The following LPA variants were observed in gnomAD, a reference collection of about 807,000 sequenced individuals.
LPA encodes the protein lipoprotein(a).
LPA carries 199 observed loss-of-function variants against 197.9 expected under a neutral mutation model. That is an observed-to-expected ratio of 1.01 (90% confidence interval 0.90 to 1.13). The LOEUF is 1.13. Among genes scored for constraint, LPA ranks in the 50% most tolerant of loss-of-function variants. LPA has a pLI of 0.00. For synonymous variants in LPA, 715 were observed against 639.5 expected, an observed-to-expected ratio of 1.12 and a Z score of -1.78; for missense variants, 1,853 against 1,785.8, an observed-to-expected ratio of 1.04 and a Z score of -0.68.
At chr6:160,551,574 G>A (rs1474391107) in intron 30 of LPA, among the ~76,000 whole-genome samples, 1 of 152,184 alleles carries the variant, frequency 6.6e-6, no homozygotes, top group African/African-American at 2.4e-5. Flanking sequence ...TATAGTGAGT[G>A]TTTACAGACT....
intron 18 of LPA, 151 bp downstream of exon 18, chr6:160,604,895 C>G (rs1779313865): frequency 1.5e-6 from 2 of 1,297,536 alleles, no homozygotes; most frequent in Non-Finnish European, 2.2e-6. Flanking sequence ...CTCTTAGACT[C>G]TTTGCTCAAA....
chr6:160,537,819 A>G, intron 37 of LPA, 36 bp downstream of exon 37: 1 of 1,590,496 alleles, frequency 6.3e-7, no homozygotes, highest in Non-Finnish European at 8.6e-7. Flanking sequence ...GAAGGTCAAA[A>G]ACAATTTGTT....
chr6:160,559,342 TATTTAAGATACTCA>T (rs1205355335), intron 28 of LPA, among the ~76,000 whole-genome samples: 1 of 152,258 alleles, frequency 6.6e-6, no homozygotes, highest in African/African-American at 2.4e-5. Flanking sequence ...CCATCCATGC[TATTTAAGATACTCA>T]GTGCTGAATA....
intron 28 of LPA, among the ~76,000 whole-genome samples, chr6:160,569,529 C>A (rs1376685364): frequency 6.6e-6 from 1 of 152,112 alleles, no homozygotes; most frequent in East Asian, 1.9e-4. Flanking sequence ...CATATAAACC[C>A]TAGAAGAAAA....
chr6:160,592,274 A>G (rs1435971207), intron 22 of LPA, among the ~76,000 whole-genome samples: 4 of 152,206 alleles, frequency 2.6e-5, no homozygotes, highest in Non-Finnish European at 4.4e-5. Flanking sequence ...TCTAGCTTTA[A>G]TTGAATCATT....
chr6:160,539,889 G>A (rs1777953252), intron 36 of LPA, among the ~76,000 whole-genome samples, 154 bp downstream of exon 36: 1 of 152,234 alleles, frequency 6.6e-6, no homozygotes, highest in South Asian at 2.1e-4. Flanking sequence ...GGCAGGGCTG[G>A]GGTTGAAGAT....
At chr6:160,576,420 A>ATATATATATATATATATGGG (rs1562328063) in intron 28 of LPA, among the ~76,000 whole-genome samples, 1 of 126,012 alleles carries the variant, frequency 7.9e-6, no homozygotes. Context: ...ATATATGGGT[A>ATATATATATATATATATGGG]TATATATATA....
chr6:160,660,089 T>C (rs1780199860), intron 1 of LPA, among the ~76,000 whole-genome samples: 1 of 152,270 alleles, frequency 6.6e-6, no homozygotes, highest in Admixed American at 6.5e-5. Context: ...CTTTAACACC[T>C]GTGATACAGG....
At chr6:160,559,397 A>C (rs528209350) in intron 28 of LPA, among the ~76,000 whole-genome samples, 8 of 152,132 alleles carry the variant, frequency 5.3e-5, no homozygotes, top group Non-Finnish European at 1.2e-4. Context: ...GTTGCAAATT[A>C]TTTTTTCATT....
chr6:160,601,531 G>A (rs540518054), intron 18 of LPA, among the ~76,000 whole-genome samples: 10 of 152,236 alleles, frequency 6.6e-5, no homozygotes, highest in Middle Eastern at 3.4e-3. Context: ...ATATAGTAAT[G>A]TGCGAGTTGG....
In LPA at chr6:160,545,497, A is replaced by G. The variant is rs1778052640; in HGVS notation, c.5341T>C (p.Trp1781Arg). 2 of 1,613,640 alleles carry G rather than the reference A, an allele frequency of 1.2e-6. No individual in the cohort carries two copies. The highest frequency in any genetic ancestry group is 1.7e-6 in the Non-Finnish European group (2 of 1,179,626). The change falls in exon 33 of 39, where the codon TGG becomes CGG. Residue 1781 changes from tryptophan (W) to arginine (R), a missense_variant. Transcript: ENST00000316300. ...RNPDGDINGPWCYTMNPRKLF... is the reference protein window; with the variant it reads ...RNPDGDINGPRCYTMNPRKLF... ...TTTCTTGGATTCATTGTGTAGCACC[A>G]GGGACCATTGATGTCACCATCAGGG... is the stretch of plus-strand genomic sequence containing the variant.
chr6:160,659,510 G>T (rs748212436), intron 1 of LPA, among the ~76,000 whole-genome samples: 4 of 152,238 alleles, frequency 2.6e-5, no homozygotes, highest in Non-Finnish European at 5.9e-5. Context: ...AAGAGTAGCA[G>T]GTGAAAGCTC....
At position 160,560,412 on chromosome 6, in the gene LPA, T is replaced by C. The variant is rs889969643; in HGVS notation, c.4632-2841A>G. Among the ~76,000 whole-genome samples, 7 of 152,250 alleles carry C rather than the reference T, an allele frequency of 4.6e-5. No individual in the cohort carries two copies. In the East Asian group the frequency reaches 1.3e-3, roughly 29 times the overall value. ...CTAATTTACACTCCCACCAACAGTGTAAATGTGTTCCTCTTTCTCCACACA... is the reference window on the plus strand; with the variant it reads ...CTAATTTACACTCCCACCAACAGTGCAAATGTGTTCCTCTTTCTCCACACA... On this transcript the variant is annotated intron_variant, in intron 28 of 38. Transcript: ENST00000316300.
chr6:160,651,897 G>A (rs764063032), intron 1 of LPA, among the ~76,000 whole-genome samples: 1 of 151,726 alleles, frequency 6.6e-6, no homozygotes, highest in Non-Finnish European at 1.5e-5. Context: ...CAGAGATGAA[G>A]AATTCTCTGA....
At chr6:160,579,234 G>A (rs1173092824) in intron 26 of LPA, among the ~76,000 whole-genome samples, 1 of 151,862 alleles carries the variant, frequency 6.6e-6, no homozygotes, top group South Asian at 2.1e-4. Context: ...TCATAGTGTA[G>A]CATAAATGCT....
rs1173245364 is a variant in LPA, at chr6:160,653,998, A to G, written c.50-3501T>C. On this transcript the variant is annotated intron_variant, in intron 1 of 38. Transcript: ENST00000316300. ...TAATATATAATATATAATATATATT[A>G]TATATAATATATATTATATATAATA... Among the ~76,000 whole-genome samples the G allele has an allele frequency of 1.4e-4, 2 of 14,378 alleles. 1 individual carries two copies. Among genetic ancestry groups the G allele is most frequent in the Admixed American group, 2.9e-3 (2 of 684 alleles). The allele number at this position is 14,378 out of a possible 152,430, so 9.4% of individuals were successfully genotyped here. A position where few individuals can be genotyped will look rare whatever the true frequency, so the allele number is the denominator to read the frequency against.
chr6:160,593,808 A>T lies in LPA; in HGVS notation c.3629+150T>A, dbSNP rs1779077242. The T allele has an allele frequency of 6.3e-6, 6 of 946,406 alleles. No homozygotes were observed. The South Asian group carries it at 8.5e-5, about 13-fold the overall frequency. The allele number at this position is 946,406 out of a possible 1,614,324, so 58.6% of individuals were successfully genotyped here. ...GCCTGACATTTCTCTCCTTTCAGAC[A>T]CTGTGCCTGAAGAAAGAAGCCTGAG... is the stretch of plus-strand genomic sequence containing the variant. On this transcript the variant is annotated intron_variant, in intron 22 of 38. Transcript: ENST00000316300.
At position 160,606,662 on chromosome 6, in the gene LPA, G is replaced by A. The variant is rs1368008335; in HGVS notation, c.2604-4C>T. 1 of 1,613,838 alleles carries A rather than the reference G, an allele frequency of 6.2e-7. No homozygotes were observed. The highest frequency in any genetic ancestry group is 8.5e-7 in the Non-Finnish European group (1 of 1,179,926). On this transcript the variant is annotated splice_polypyrimidine_tract_variant and splice_region_variant and intron_variant, in intron 16 of 38. Coordinates refer to ENST00000316300, the MANE Select transcript of LPA (RefSeq NM_005577.4). ...GCAGTAGTTCATGATCAAGCCACTG[G>A]AAATTCCAAAACGATACACGTCACA...
At chr6:160,540,584 C>T (rs747493236) in intron 35 of LPA, among the ~76,000 whole-genome samples, 1 of 152,120 alleles carries the variant, frequency 6.6e-6, no homozygotes, top group Non-Finnish European at 1.5e-5. Context: ...AGCACCCCCA[C>T]CCCATCTCTC....
Sources: gnomAD v4.1 joint callset for allele counts (sites outside exome capture counted in the v4.1 genomes callset) on GRCh38, gnomAD v4.1.1 for gene constraint, MANE v1.5 for transcripts, NCBI Gene and HGNC (gene_info 2026-07-23, HGNC 2026-07-21) for gene names.